The following SHOC2 variants were observed in gnomAD, a reference collection of about 807,000 sequenced individuals.
The protein encoded by SHOC2 is leucine-rich repeat protein SHOC-2.
Under a neutral mutation model 50.2 loss-of-function variants are expected in SHOC2, and 4 were observed. The ratio of observed to expected loss-of-function variants is 0.08; its 90% CI spans 0.04 to 0.18. The LOEUF is 0.18. Ranked by LOEUF, SHOC2 falls within the 10% of genes least tolerant of loss-of-function variation. SHOC2 has a pLI of 1.00. For synonymous variants in SHOC2, 218 were observed against 244.5 expected (o/e 0.89, Z 1.01); for missense variants, 388 against 669.6 (o/e 0.58, Z 4.64).
chr10:110,991,002 C>A (rs1291624665), intron 3 of SHOC2, among the ~76,000 whole-genome samples: 1 of 152,164 alleles, frequency 6.6e-6, no homozygotes, highest in Non-Finnish European at 1.5e-5. Flanking sequence ...GTTTAGAACT[C>A]TTTTCTCCTA....
intron 1 of SHOC2, among the ~76,000 whole-genome samples, chr10:110,946,187 T>C (rs1847243271): frequency 6.6e-6 from 1 of 152,148 alleles, no homozygotes. Flanking sequence ...TTCTGATGGG[T>C]ATGGGAATGA....
chr10:110,963,868 CT>C (rs1407746413), intron 1 of SHOC2, among the ~76,000 whole-genome samples: 2 of 152,108 alleles, frequency 1.3e-5, no homozygotes, highest in Non-Finnish European at 1.5e-5. Flanking sequence ...GTTTCTTCCA[CT>C]TTTTAGGTCT....
At chr10:111,010,557 A>G (rs1291159956) in intron 8 of SHOC2, among the ~76,000 whole-genome samples, 1 of 152,112 alleles carries the variant, frequency 6.6e-6, no homozygotes, top group African/African-American at 2.4e-5. Context: ...GGGGAAGGAT[A>G]GCATTAGGAG....
intron 1 of SHOC2, among the ~76,000 whole-genome samples, chr10:110,939,478 C>T (rs1431923445): frequency 1.3e-5 from 2 of 152,116 alleles, no homozygotes; most frequent in South Asian, 2.1e-4. Context: ...CCTTGGCTTC[C>T]AAAAGTTCTG....
At chr10:110,938,218 T>C (rs887270498) in intron 1 of SHOC2, among the ~76,000 whole-genome samples, 1 of 152,194 alleles carries the variant, frequency 6.6e-6, no homozygotes, top group African/African-American at 2.4e-5. Context: ...TTTGAACATA[T>C]TCTTATATTC....
intron 1 of SHOC2, among the ~76,000 whole-genome samples, chr10:110,933,107 C>G (rs1846927102): frequency 1.3e-5 from 2 of 151,958 alleles, no homozygotes. Context: ...TTATATAGAT[C>G]TTTTATGCAT....
chr10:110,978,258 A>G (rs528851757), intron 2 of SHOC2, among the ~76,000 whole-genome samples: 1 of 152,124 alleles, frequency 6.6e-6, no homozygotes, highest in Non-Finnish European at 1.5e-5. Context: ...TTCATTTTCT[A>G]GTTGCATCAT....
At chr10:110,936,983 A>C in intron 1 of SHOC2, 1 of 1,460,552 alleles carries the variant, frequency 6.8e-7, no homozygotes. Context: ...CATACTTCGC[A>C]CAGTCAGCCA....
chr10:111,006,019 TAATC>T (rs751672853), intron 5 of SHOC2, among the ~76,000 whole-genome samples: 123 of 152,354 alleles, frequency 8.1e-4, no homozygotes, highest in Non-Finnish European at 1.5e-3. Flanking sequence ...AATTTCTTGT[TAATC>T]AGTCTGGTTA....
At chr10:111,002,401 T>A (rs1848395308) in intron 4 of SHOC2, among the ~76,000 whole-genome samples, 1 of 152,184 alleles carries the variant, frequency 6.6e-6, no homozygotes, top group South Asian at 2.1e-4. Context: ...GCATATTAAA[T>A]AGCTGAAATC....
At chr10:110,919,856 G>T (rs576014651) in intron 1 of SHOC2, 199 bp downstream of exon 1, 3 of 369,028 alleles carry the variant, frequency 8.1e-6, no homozygotes. Flanking sequence ...CCTGGTTGCT[G>T]TCTCCGGGAG....
chr10:110,928,168 T>C (rs542926026), intron 1 of SHOC2, among the ~76,000 whole-genome samples: 10 of 151,930 alleles, frequency 6.6e-5, no homozygotes, highest in African/African-American at 2.4e-4. Flanking sequence ...AAAACAAAAA[T>C]TAGCTGGGTG....
intron 1 of SHOC2, chr10:110,919,957 TGCG>T (rs886500854): frequency 4.1e-4 from 65 of 158,102 alleles, no homozygotes; most frequent in Middle Eastern, 2.6e-3. Context: ...GGGCCGGGCC[TGCG>T]GCGGCGGCGG....
chr10:110,930,078 A>G (rs1248698468), intron 1 of SHOC2, among the ~76,000 whole-genome samples: 1 of 152,164 alleles, frequency 6.6e-6, no homozygotes, highest in Admixed American at 6.5e-5. Context: ...TAGCTTTGTG[A>G]TATTTTTTAA....
intron 1 of SHOC2, among the ~76,000 whole-genome samples, chr10:110,948,513 G>C (rs553847178): frequency 6.6e-6 from 1 of 152,226 alleles, no homozygotes; most frequent in Admixed American, 6.5e-5. Context: ...AATTTGAGAA[G>C]ATTGAAATTG....
At chr10:110,924,047 TG>T (rs915066225) in intron 1 of SHOC2, among the ~76,000 whole-genome samples, 2 of 152,204 alleles carry the variant, frequency 1.3e-5, no homozygotes, top group African/African-American at 4.8e-5. Flanking sequence ...AGTTTTGTGT[TG>T]TATAACACTT....
chr10:110,986,986 C>G (rs996484666), intron 3 of SHOC2, among the ~76,000 whole-genome samples: 4 of 152,150 alleles, frequency 2.6e-5, no homozygotes, highest in African/African-American at 9.7e-5. Context: ...TATTTTATTT[C>G]CAGTTCACCC....
chr10:110,954,366 A>G (rs1338055402), intron 1 of SHOC2, among the ~76,000 whole-genome samples: 1 of 152,190 alleles, frequency 6.6e-6, no homozygotes, highest in Non-Finnish European at 1.5e-5. Context: ...GTCATCTAGA[A>G]TCATCTCATT....
chr10:110,948,900 C>T (rs1056672794), intron 1 of SHOC2, among the ~76,000 whole-genome samples: 1 of 152,166 alleles, frequency 6.6e-6, no homozygotes, highest in African/African-American at 2.4e-5. Context: ...GACTTGTAAA[C>T]TTTCTAAGTT....
Sources: gnomAD v4.1 joint callset for allele counts (sites outside exome capture counted in the v4.1 genomes callset) on GRCh38, gnomAD v4.1.1 for gene constraint, MANE v1.5 for transcripts, NCBI Gene and HGNC (gene_info 2026-07-23, HGNC 2026-07-21) for gene names.